The following CD1D variants were observed in gnomAD, a reference collection of about 807,000 sequenced individuals.
CD1D encodes the protein antigen-presenting glycoprotein CD1d.
CD1D carries 40 observed loss-of-function variants against 42.1 expected under a neutral mutation model. That is an observed-to-expected ratio of 0.95 (90% CI 0.74 to 1.24). The LOEUF (loss-of-function observed/expected upper bound fraction) is 1.24, where lower values mean the gene tolerates loss of function less well. CD1D is among the 50% of genes most tolerant of loss of function. The probability of loss-of-function intolerance (pLI) is 0.00; values close to 1 mark genes in which losing one functional copy is unlikely to be tolerated. For missense variants in CD1D, 437 were observed against 416.5 expected, an observed-to-expected ratio of 1.05 and a Z score of -0.43; for synonymous variants, 178 against 171.8, an observed-to-expected ratio of 1.04 and a Z score of -0.28.
rs1199071468 is a variant in CD1D, at chr1:158,184,545, A to C, written c.*395A>C. 1 of 205,926 alleles carries C rather than the reference A, an allele frequency of 4.9e-6. No homozygotes were observed. Among genetic ancestry groups the C allele is most frequent in the Admixed American group, 5.2e-5 (1 of 19,242 alleles). The allele number at this position is 205,926 out of a possible 1,614,324, so 12.8% of individuals were successfully genotyped here. A position where few individuals can be genotyped will look rare whatever the true frequency, so the allele number is the denominator to read the frequency against. ...AATCAGCTGCAGCTGCTTGTTGTCA[A>C]GTATAAAGTCAGGACCTGGCTTGGC... On this transcript the variant is annotated 3_prime_UTR_variant, in exon 6 of 6. Transcript: ENST00000674085.
At chr1:158,179,019 C>A (rs1648277418), upstream of CD1D, among the ~76,000 whole-genome samples, 1 of 152,050 alleles carries the variant, frequency 6.6e-6, no homozygotes. Context: ...AAAAACCACA[C>A]ACACACACAC....
rs1558045779 is a variant in CD1D at position 158,183,933 on chromosome 1, C to T, written c.887-3C>T. The T allele has an allele frequency of 6.2e-7, 1 of 1,612,326 alleles. No homozygotes were observed. The highest frequency in any genetic ancestry group is 8.5e-7 in the Non-Finnish European group (1 of 1,178,314). ...AGAGACAGCCTATGTTCCTCCAGAGCAGGTGGGAGCTACACCTCCATGGGC... is the reference window on the plus strand; with the variant it reads ...AGAGACAGCCTATGTTCCTCCAGAGTAGGTGGGAGCTACACCTCCATGGGC... On this transcript the variant is annotated splice_region_variant and splice_polypyrimidine_tract_variant and intron_variant, in intron 4 of 5. Coordinates refer to ENST00000674085, the MANE Select transcript of CD1D (RefSeq NM_001371762.2).
chr1:158,182,886 A>G lies in CD1D; in HGVS notation c.616A>G (p.Lys206Glu). 6.2e-7 allele frequency: 1 copy of G among 1,607,554 alleles called. No homozygotes were observed. Reference sequence around the variant, plus strand: ...TCCCTTGTTGGATACAGTGAAGCCCAAGGCCTGGCTGTCCCGTGGCCCCAG... The same window carrying G: ...TCCCTTGTTGGATACAGTGAAGCCCGAGGCCTGGCTGTCCCGTGGCCCCAG... ...KSELKKQVKP[K>E]AWLSRGPSPG... The change falls in exon 4 of 6, where the codon AAG (lysine) becomes GAG (glutamate). Residue 206 changes from lysine to glutamate, a missense_variant. Lys to Glu is a moderately conservative substitution (Grantham distance 56). Coordinates refer to ENST00000674085, the MANE Select transcript of CD1D (RefSeq NM_001371762.2).
Position 158,181,655 on chromosome 1 carries a change from T to C in CD1D, c.262T>C (p.Phe88Leu). Residue 88 changes from phenylalanine to leucine, a missense_variant, in exon 2 of 6, where the codon TTT becomes CTT. Transcript: ENST00000674085. ...DQQWETLQHI[F>L]RVYRSSFTRD... Reference sequence around the variant, plus strand: ...GCAGTGGGAGACGCTGCAGCATATATTTCGGGTTTATCGAAGCAGCTTCAC... The same window carrying C: ...GCAGTGGGAGACGCTGCAGCATATACTTCGGGTTTATCGAAGCAGCTTCAC... The C allele has an allele frequency of 6.2e-7, 1 of 1,613,904 alleles. No homozygotes were observed. The highest frequency in any genetic ancestry group is 8.5e-7 in the Non-Finnish European group (1 of 1,180,010).
At position 158,182,933 on chromosome 1, in the gene CD1D, G is replaced by C; in HGVS notation, c.663G>C (p.Leu221=). ...CCAGTCCTGGCCCTGGCCGTCTGCTGCTGGTGTGCCATGTCTCAGGATTCT... is the reference window on the plus strand; with the variant it reads ...CCAGTCCTGGCCCTGGCCGTCTGCTCCTGGTGTGCCATGTCTCAGGATTCT... ...RGPSPGPGRL[L]LVCHVSGFYP... The change falls in exon 4 of 6, where the codon CTG becomes CTC. Residue 221 remains leucine, a synonymous_variant. Coordinates refer to ENST00000674085, the MANE Select transcript of CD1D (RefSeq NM_001371762.2). 6.2e-7 allele frequency: 1 copy of C among 1,614,072 alleles called. No individual in the cohort carries two copies. Among genetic ancestry groups the C allele is most frequent in the Non-Finnish European group, 8.5e-7 (1 of 1,179,946 alleles).
At position 158,181,045 on chromosome 1, in the gene CD1D, G is replaced by A; in HGVS notation, c.-57G>A. ...GAGCTGAGCGGCGGGGGAGAAGAGT[G>A]CGCAGGTCAGAGGGCGGCGCGCAGC... On this transcript the variant is annotated 5_prime_UTR_variant, in exon 1 of 6. Transcript: ENST00000674085. 2 of 1,440,198 alleles carry A rather than the reference G, an allele frequency of 1.4e-6. No individual in the cohort carries two copies. The highest frequency in any genetic ancestry group is 1.9e-6 in the Non-Finnish European group (2 of 1,070,996). The allele number at this position is 1,440,198 out of a possible 1,614,324, so 89.2% of individuals were successfully genotyped here. A position where few individuals can be genotyped will look rare whatever the true frequency, so the allele number is the denominator to read the frequency against.
chr1:158,185,152 TAGAG>T lies in CD1D; in HGVS notation c.*1005_*1008del, dbSNP rs1648652468. Among the ~76,000 whole-genome samples, 2 of 152,120 alleles carry T rather than the reference TAGAG, an allele frequency of 1.3e-5. No individual in the cohort carries two copies. The highest frequency in any genetic ancestry group is 1.5e-5 in the Non-Finnish European group (1 of 68,010). ...GCCCAGCCATGCTGTGTTCTTATCTTAGAGAGGACAGAGCAGGAAACTTACAGGG... is the reference window on the plus strand; with the variant it reads ...GCCCAGCCATGCTGTGTTCTTATCTTAGGACAGAGCAGGAAACTTACAGGG... On this transcript the variant is annotated 3_prime_UTR_variant, in exon 6 of 6. Transcript: ENST00000674085.
chr1:158,181,036 G>C lies in CD1D; in HGVS notation c.-66G>C, dbSNP rs936094261. 3 of 1,381,928 alleles carry C rather than the reference G, an allele frequency of 2.2e-6. No individual in the cohort carries two copies. Among genetic ancestry groups the C allele is most frequent in the Non-Finnish European group, 2.9e-6 (3 of 1,025,760 alleles). The allele number at this position is 1,381,928 out of a possible 1,614,324, so 85.6% of individuals were successfully genotyped here. On this transcript the variant is annotated 5_prime_UTR_variant, in exon 1 of 6. Coordinates refer to ENST00000674085, the MANE Select transcript of CD1D (RefSeq NM_001371762.2). ...AAGGGACGTGAGCTGAGCGGCGGGG[G>C]AGAAGAGTGCGCAGGTCAGAGGGCG...
intron 3 of CD1D, among the ~76,000 whole-genome samples, 197 bp from the exon 4 acceptor site, chr1:158,182,681 A>G (rs1648501817): frequency 1.3e-5 from 2 of 152,226 alleles, no homozygotes; most frequent in Non-Finnish European, 2.9e-5. Flanking sequence ...AAGGAGTATC[A>G]GGGCAGGCTC....
At chr1:158,179,780 CTT>C (rs1225385876), upstream of CD1D, among the ~76,000 whole-genome samples, 1 of 152,104 alleles carries the variant, frequency 6.6e-6, no homozygotes, top group Non-Finnish European at 1.5e-5. Context: ...GTAGAGGGAA[CTT>C]TGTGCAGAGA....
chr1:158,181,710 T>A lies in CD1D; in HGVS notation c.317T>A (p.Leu106Gln), dbSNP rs756425870. The A allele has an allele frequency of 4.3e-6, 7 of 1,609,526 alleles. No individual in the cohort carries two copies. The highest frequency in any genetic ancestry group is 5.1e-6 in the Non-Finnish European group (6 of 1,180,000). Reference protein sequence around the residue: ...TRDVKEFAKMLRLSYPLELQV... With the variant: ...TRDVKEFAKMQRLSYPLELQV... ...GACGTGAAGGAATTCGCCAAAATGC[T>A]ACGCTTATCCTGTGAGCTGAGGGAT... Residue 106 changes from leucine (L) to glutamine (Q), a missense_variant, in exon 2 of 6, where the codon CTA becomes CAA. Physicochemically the swap from Leu to Gln is moderately radical, Grantham distance 113. Transcript: ENST00000674085.
intron 2 of CD1D, 135 bp from the exon 3 acceptor site, chr1:158,181,897 C>T: frequency 7.4e-6 from 10 of 1,348,574 alleles, no homozygotes; most frequent in Non-Finnish European, 9.2e-6. Flanking sequence ...TCCCTCGTTC[C>T]TGCCTACTCC....
Position 158,182,893 on chromosome 1 carries a change from G to T in CD1D, c.623G>T (p.Trp208Leu), listed in dbSNP as rs1571066666. 4.3e-6 allele frequency: 7 copies of T among 1,609,664 alleles called. No individual in the cohort carries two copies. The East Asian group carries it at 1.6e-4, about 36-fold the overall frequency. ...TTGGATACAGTGAAGCCCAAGGCCT[G>T]GCTGTCCCGTGGCCCCAGTCCTGGC... is the stretch of plus-strand genomic sequence containing the variant. ...ELKKQVKPKA[W>L]LSRGPSPGPG... The change falls in exon 4 of 6, where the codon TGG (tryptophan) becomes TTG (leucine). Residue 208 changes from tryptophan (W) to leucine (L), a missense_variant. Transcript: ENST00000674085.
In CD1D at chr1:158,184,270, C is replaced by T; in HGVS notation, c.*120C>T. The T allele has an allele frequency of 2.0e-6, 2 of 989,328 alleles. No individual in the cohort carries two copies. Among genetic ancestry groups the T allele is most frequent in the South Asian group, 1.4e-5 (1 of 70,426 alleles). The allele number at this position is 989,328 out of a possible 1,614,324, so 61.3% of individuals were successfully genotyped here. On this transcript the variant is annotated 3_prime_UTR_variant, in exon 6 of 6. Transcript: ENST00000674085. ...AAGGAATTGAAGATAGGAGAGATACCTTGAAAAAGTAGAGAACAGTCATGA... is the reference window on the plus strand; with the variant it reads ...AAGGAATTGAAGATAGGAGAGATACTTTGAAAAAGTAGAGAACAGTCATGA...
At position 158,184,029 on chromosome 1, in the gene CD1D, G is replaced by A; in HGVS notation, c.980G>A (p.Arg327Lys). The change falls in exon 5 of 6, where the codon AGG becomes AAG. Residue 327 changes from arginine to lysine, a missense_variant. Transcript: ENST00000674085. The part of the protein sequence containing the change: ...LIVGFTSRFK[R>K]QTSYQGVL ...GTGGGCTTTACCTCCCGGTTTAAGA[G>A]GCAAACGTAAGTCTCCCCTTTCCCT... 3 of 1,614,130 alleles carry A rather than the reference G, an allele frequency of 1.9e-6. No individual in the cohort carries two copies. Among genetic ancestry groups the A allele is most frequent in the Non-Finnish European group, 2.5e-6 (3 of 1,179,992 alleles).
Position 158,182,126 on chromosome 1 carries a change from C to A in CD1D, c.423C>A (p.Ile141=), listed in dbSNP as rs372503442. Residue 141 remains isoleucine, a synonymous_variant, in exon 3 of 6, where the codon ATC becomes ATA. Transcript: ENST00000674085. The part of the protein sequence containing the change: ...FFHVAFQGKD[I]LSFQGTSWEP... ...ATGTAGCATTTCAAGGAAAAGATAT[C>A]CTGAGTTTCCAAGGAACTTCTTGGG... 2 of 1,614,046 alleles carry A rather than the reference C, an allele frequency of 1.2e-6. No individual in the cohort carries two copies. The highest frequency in any genetic ancestry group is 8.5e-7 in the Non-Finnish European group (1 of 1,180,036).
At chr1:158,182,561 T>C in intron 3 of CD1D, 1 of 598,066 alleles carries the variant, frequency 1.7e-6, no homozygotes, top group African/African-American at 1.9e-5. Context: ...GGTAGGGGGA[T>C]GTTAATTAAT....
Position 158,181,616 on chromosome 1 carries a change from A to G in CD1D, c.223A>G (p.Thr75Ala). The G allele has an allele frequency of 6.2e-7, 1 of 1,614,178 alleles. No individual in the cohort carries two copies. The highest frequency in any genetic ancestry group is 8.5e-7 in the Non-Finnish European group (1 of 1,180,038). Residue 75 changes from threonine (T) to alanine (A), a missense_variant, in exon 2 of 6, where the codon ACG (threonine) becomes GCG (alanine). Transcript: ENST00000674085. ...VRSLKPWSQG[T>A]FSDQQWETLQ... ...CTCTCTGAAGCCTTGGTCCCAGGGC[A>G]CGTTCAGCGACCAGCAGTGGGAGAC...
In CD1D at chr1:158,182,094, T is replaced by G. The variant is rs1296914455; in HGVS notation, c.391T>G (p.Phe131Val). ...GCACCCTGGGAACGCCTCAAATAAC[T>G]TCTTCCATGTAGCATTTCAAGGAAA... ...EVHPGNASNN[F>V]FHVAFQGKDI... The change falls in exon 3 of 6, where the codon TTC becomes GTC. Residue 131 changes from phenylalanine to valine, a missense_variant. Transcript: ENST00000674085. The G allele has an allele frequency of 1.9e-6, 3 of 1,614,004 alleles. No individual in the cohort carries two copies. Among genetic ancestry groups the G allele is most frequent in the Non-Finnish European group, 2.5e-6 (3 of 1,180,002 alleles).
Sources: allele counts gnomAD v4.1 joint callset (sites outside exome capture counted in the v4.1 genomes callset), GRCh38; gene constraint gnomAD v4.1.1; transcripts MANE v1.5; gene names NCBI Gene and HGNC (gene_info 2026-07-23, HGNC 2026-07-21).